CAMTA1: variants seen among roughly 807,000 people sequenced by gnomAD.
CAMTA1 encodes calmodulin binding transcription activator 1, also known as calmodulin-binding transcription activator 1.
A neutral mutation model predicts 170.9 loss-of-function variants in CAMTA1; 27 were observed. The observed-to-expected ratio is 0.16, with a 90% CI of 0.12 to 0.22. The LOEUF (loss-of-function observed/expected upper bound fraction) is 0.22. CAMTA1 is among the 10% of genes least tolerant of loss of function. The probability of loss-of-function intolerance (pLI) is 1.00; values close to 1 mark genes in which losing one functional copy is unlikely to be tolerated. For synonymous variants in CAMTA1, 833 were observed against 891.5 expected, an observed-to-expected ratio of 0.93 and a Z score of 1.17; for missense variants, 1,619 against 2,217.2, an observed-to-expected ratio of 0.73 and a Z score of 5.42.
chr1:7,274,351 C>T (rs897342759), intron 5 of CAMTA1, among the ~76,000 whole-genome samples: 1 of 152,130 alleles, frequency 6.6e-6, no homozygotes, highest in Non-Finnish European at 1.5e-5. Context: ...AGAACTATTA[C>T]TCAAGATAAA....
At chr1:7,469,175 C>T (rs1416777492) in intron 6 of CAMTA1, among the ~76,000 whole-genome samples, 2 of 152,206 alleles carry the variant, frequency 1.3e-5, no homozygotes, top group African/African-American at 2.4e-5. Flanking sequence ...ATACCTCACC[C>T]TGTCATCAGT....
intron 11 of CAMTA1, among the ~76,000 whole-genome samples, chr1:7,702,774 G>A (rs962306722): frequency 6.6e-6 from 1 of 152,096 alleles, no homozygotes; most frequent in Admixed American, 6.5e-5. Context: ...ACTAAAACCA[G>A]TGCCCAGGTC....
intron 6 of CAMTA1, among the ~76,000 whole-genome samples, chr1:7,478,822 G>A (rs1341785886): frequency 6.6e-6 from 1 of 152,164 alleles, no homozygotes; most frequent in Non-Finnish European, 1.5e-5. Flanking sequence ...TGGGGCTTTT[G>A]TTTAATTATC....
chr1:7,298,530 T>A (rs1674312564), intron 5 of CAMTA1, among the ~76,000 whole-genome samples: 1 of 152,192 alleles, frequency 6.6e-6, no homozygotes, highest in South Asian at 2.1e-4. Flanking sequence ...ACAAGTACAT[T>A]TCCACCATCT....
intron 5 of CAMTA1, among the ~76,000 whole-genome samples, chr1:7,301,248 C>G (rs1257392332): frequency 6.6e-6 from 1 of 152,180 alleles, no homozygotes; most frequent in Non-Finnish European, 1.5e-5. Flanking sequence ...ATTAGAAGTG[C>G]CTTGTAATTG....
intron 5 of CAMTA1, among the ~76,000 whole-genome samples, chr1:7,356,377 C>T (rs1437798702): frequency 1.3e-5 from 2 of 152,218 alleles, no homozygotes; most frequent in African/African-American, 2.4e-5. Context: ...TCCTGCCTGG[C>T]GCTGGGCTTT....
At chr1:7,073,785 T>G (rs570026906) in intron 3 of CAMTA1, among the ~76,000 whole-genome samples, 222 of 152,196 alleles carry the variant, frequency 1.5e-3, no homozygotes, top group African/African-American at 5.1e-3. Flanking sequence ...GGAATGGGCT[T>G]GGGAGAGAAT....
chr1:7,702,466 G>C (rs759679778), intron 11 of CAMTA1, among the ~76,000 whole-genome samples: 1 of 152,152 alleles, frequency 6.6e-6, no homozygotes, highest in Non-Finnish European at 1.5e-5. Flanking sequence ...GAGTTCCCCG[G>C]CACTTTAGAG....
At chr1:7,255,680 T>G (rs74051690) in intron 5 of CAMTA1, among the ~76,000 whole-genome samples, 3,422 of 152,308 alleles carry the variant, frequency 0.022, 95 homozygotes, top group African/African-American at 0.061. Flanking sequence ...CTGCTAGAAA[T>G]CCTGTATCTG....
chr1:7,112,857 C>A (rs1324469134), intron 4 of CAMTA1, among the ~76,000 whole-genome samples: 1 of 152,206 alleles, frequency 6.6e-6, no homozygotes, highest in Non-Finnish European at 1.5e-5. Context: ...TTTGTTTCTT[C>A]CACTTTCCAG....
chr1:6,862,431 C>T (rs1397177136), intron 3 of CAMTA1, among the ~76,000 whole-genome samples: 1 of 152,202 alleles, frequency 6.6e-6, no homozygotes. Flanking sequence ...TCCATGGGTG[C>T]ATGGGTTGTT....
At chr1:6,983,941 T>G (rs1572214606) in intron 3 of CAMTA1, among the ~76,000 whole-genome samples, 3 of 117,858 alleles carry the variant, frequency 2.5e-5, no homozygotes, top group East Asian at 2.4e-4. Context: ...GATGGGTGGG[T>G]GGATCGAGGG....
chr1:7,342,088 G>A (rs1198985569), intron 5 of CAMTA1, among the ~76,000 whole-genome samples: 1 of 152,202 alleles, frequency 6.6e-6, no homozygotes, highest in Non-Finnish European at 1.5e-5. Flanking sequence ...AGAAACTGAG[G>A]CACACAGCAG....
At chr1:6,798,788 G>T (rs190179979) in intron 1 of CAMTA1, among the ~76,000 whole-genome samples, 1 of 128,648 alleles carries the variant, frequency 7.8e-6, no homozygotes, top group Non-Finnish European at 1.7e-5. Context: ...AGTAGAGACG[G>T]GGTTTCACCT....
rs1481327640 is a variant in CAMTA1 at position 7,455,982 on chromosome 1, C to T, written c.439-11848C>T. Among the ~76,000 whole-genome samples, 1 of 152,190 alleles carries T rather than the reference C, an allele frequency of 6.6e-6. No individual in the cohort carries two copies. The highest frequency in any genetic ancestry group is 1.9e-4 in the East Asian group (1 of 5,188). On this transcript the variant is annotated intron_variant, in intron 5 of 22. Transcript: ENST00000303635. The surrounding 1 kb of genome is among the most constrained non-coding windows in gnomAD (Gnocchi z 5.0). ...AGCCTCCTTACCAAGGCTCAGGGTC[C>T]CACCGTTGGTCATCCCTGAGGCTGA...
chr1:6,919,899 C>A (rs960595442), intron 3 of CAMTA1, among the ~76,000 whole-genome samples: 3 of 151,676 alleles, frequency 2.0e-5, no homozygotes, highest in Non-Finnish European at 4.4e-5. Flanking sequence ...CCCACTGGGT[C>A]CCCCCCATAA....
intron 4 of CAMTA1, among the ~76,000 whole-genome samples, chr1:7,123,041 T>G (rs1331498731): frequency 2.0e-5 from 3 of 152,210 alleles, no homozygotes; most frequent in African/African-American, 7.2e-5. Flanking sequence ...CTGCAAGCCC[T>G]GCACACACGT....
At chr1:7,358,796 G>A (rs1472435585) in intron 5 of CAMTA1, among the ~76,000 whole-genome samples, 1 of 152,222 alleles carries the variant, frequency 6.6e-6, no homozygotes, top group Non-Finnish European at 1.5e-5. Context: ...AGGCCTTGGA[G>A]TCTTGTTAAT....
intron 6 of CAMTA1, among the ~76,000 whole-genome samples, chr1:7,544,763 T>C (rs1398775622): frequency 6.6e-6 from 1 of 152,132 alleles, no homozygotes; most frequent in African/African-American, 2.4e-5. Context: ...CTTCCACTCA[T>C]GGTGGAAGGT....
Sources: allele counts gnomAD v4.1 joint callset (sites outside exome capture counted in the v4.1 genomes callset), GRCh38; gene constraint gnomAD v4.1.1; non-coding constraint Gnocchi (gnomAD v3.1); transcripts MANE v1.5; gene names NCBI Gene and HGNC (gene_info 2026-07-23, HGNC 2026-07-21).